Variants in GID4 observed in about 807,000 individuals in gnomAD.
The protein encoded by GID4 is GID complex subunit 4 homolog.
GID4 carries 7 observed loss-of-function variants against 32.4 expected under a neutral mutation model. The ratio of observed to expected loss-of-function variants is 0.22; its 90% confidence interval spans 0.12 to 0.41. The LOEUF (loss-of-function observed/expected upper bound fraction) is 0.41. Among genes scored for constraint, GID4 ranks in the 10% least tolerant of loss-of-function variants. GID4 has a pLI of 1.00. For missense variants in GID4, 309 were observed against 400.0 expected, an observed-to-expected ratio of 0.77 and a Z score of 1.94; for synonymous variants, 166 against 170.0, an observed-to-expected ratio of 0.98 and a Z score of 0.18.
intron 3 of GID4, among the ~76,000 whole-genome samples, chr17:18,055,504 TTA>T (rs759977714): frequency 3.1e-4 from 47 of 152,304 alleles, no homozygotes; most frequent in South Asian, 6.2e-4. Context: ...AAAATTTTTT[TTA>T]GAGTTGGGGT....
intron 2 of GID4, among the ~76,000 whole-genome samples, chr17:18,052,219 G>A (rs1467461826): frequency 6.6e-6 from 1 of 152,112 alleles, no homozygotes; most frequent in East Asian, 1.9e-4. Flanking sequence ...TAGGGGGGTT[G>A]TGGGTTTGGG....
At chr17:18,048,686 G>A (rs559392555) in intron 2 of GID4, among the ~76,000 whole-genome samples, 4 of 149,542 alleles carry the variant, frequency 2.7e-5, no homozygotes, top group East Asian at 4.1e-4. Context: ...TCTGTCACCC[G>A]GGCTGGAGTG....
Position 18,058,874 on chromosome 17 carries a change from T to C in GID4, c.613T>C (p.Phe205Leu). The change falls in exon 4 of 6, where the codon TTT (phenylalanine) becomes CTT (leucine). Residue 205 changes from phenylalanine to leucine, a missense_variant. By Grantham distance (22) the Phe-to-Leu change is conservative. This residue lies in a region of GID4 where 116 missense variants were observed against 214.2 expected (regional missense o/e 0.54). Coordinates refer to ENST00000268719, the MANE Select transcript of GID4 (RefSeq NM_024052.5). ...CTCTCTTTTCTGCTTTCAGGGCAAGTTTCTGGCTTTTTATCAGTATGCAAA... is the reference window on the plus strand; with the variant it reads ...CTCTCTTTTCTGCTTTCAGGGCAAGCTTCTGGCTTTTTATCAGTATGCAAA... The part of the protein sequence containing the change: ...EDVDRKHWGK[F>L]LAFYQYAKSF... 1 of 1,606,732 alleles carries C rather than the reference T, an allele frequency of 6.2e-7. No homozygotes were observed. The highest frequency in any genetic ancestry group is 2.2e-5 in the East Asian group (1 of 44,864).
chr17:18,066,729 A>G lies in GID4; in HGVS notation c.*1486A>G, dbSNP rs2045067567. On this transcript the variant is annotated 3_prime_UTR_variant, in exon 6 of 6. Transcript: ENST00000268719. Reference sequence around the variant, plus strand: ...GAATGTGAAGCCCTTCAGTGAGACGAGACGAGCAATGGGAAACCTTTTCTG... The same window carrying G: ...GAATGTGAAGCCCTTCAGTGAGACGGGACGAGCAATGGGAAACCTTTTCTG... The G allele has an allele frequency of 6.6e-6, 1 of 152,160 alleles. No individual in the cohort carries two copies. Among genetic ancestry groups the G allele is most frequent in the South Asian group, 2.1e-4 (1 of 4,832 alleles). 9.4% of individuals were successfully genotyped at this position (152,160 alleles called of 1,614,324 possible). A position where few individuals can be genotyped will look rare whatever the true frequency, so the allele number is the denominator to read the frequency against.
At chr17:18,053,761 T>A (rs908927586) in intron 2 of GID4, among the ~76,000 whole-genome samples, 1 of 152,202 alleles carries the variant, frequency 6.6e-6, no homozygotes, top group Non-Finnish European at 1.5e-5. Context: ...GGAGCCTCTT[T>A]GGGTCTAACC....
intron 2 of GID4, among the ~76,000 whole-genome samples, chr17:18,053,589 C>T (rs1475181421): frequency 6.6e-6 from 1 of 151,980 alleles, no homozygotes; most frequent in Non-Finnish European, 1.5e-5. Flanking sequence ...TGCACTCCAG[C>T]CTGGGCGACA....
In GID4 at chr17:18,065,363, G is replaced by A. The variant is rs961147155; in HGVS notation, c.*120G>A. 1.0e-4 allele frequency: 76 copies of A among 743,982 alleles called. No individual in the cohort carries two copies. Among genetic ancestry groups the A allele is most frequent in the African/African-American group, 9.8e-4 (57 of 57,932 alleles). The allele number at this position is 743,982 out of a possible 1,614,324, so 46.1% of individuals were successfully genotyped here. ...TTCCTGTTTCTTCACGAGCAGACTC[G>A]CATCACAAAGCATGAATGTTAACCC... On this transcript the variant is annotated 3_prime_UTR_variant, in exon 6 of 6. Coordinates refer to ENST00000268719, the MANE Select transcript of GID4 (RefSeq NM_024052.5).
rs577960934 is a variant in GID4, at chr17:18,053,933, C to T, written c.499-194C>T. On this transcript the variant is annotated intron_variant, in intron 2 of 5. Coordinates refer to ENST00000268719, the MANE Select transcript of GID4 (RefSeq NM_024052.5). ...GGCAAAATCCAGGAAACCCTTCATT[C>T]TCTGGGTGATTTAGATTCAGGTCCA... Among the ~76,000 whole-genome samples, 56 of 152,338 alleles carry T rather than the reference C, an allele frequency of 3.7e-4. No homozygotes were observed. The South Asian group carries it at 6.2e-3, about 17-fold the overall frequency.
At chr17:18,048,272 C>T (rs2044875102) in intron 2 of GID4, among the ~76,000 whole-genome samples, 1 of 150,636 alleles carries the variant, frequency 6.6e-6, no homozygotes, top group South Asian at 2.1e-4. Context: ...CTCACCTTAC[C>T]ACAACCTCTG....
At chr17:18,057,651 G>A (rs1488048816) in intron 3 of GID4, among the ~76,000 whole-genome samples, 2 of 152,042 alleles carry the variant, frequency 1.3e-5, no homozygotes, top group African/African-American at 4.8e-5. Context: ...GGTATACAGT[G>A]TATACTTGTT....
At chr17:18,060,400 CAAAAAAAAAAA>C (rs919974638) in intron 4 of GID4, among the ~76,000 whole-genome samples, 1 of 45,674 alleles carries the variant, frequency 2.2e-5, no homozygotes, top group South Asian at 9.3e-4. Flanking sequence ...TCTGTCTCAC[CAAAAAAAAAAA>C]AAAAAAAAAA....
intron 4 of GID4, among the ~76,000 whole-genome samples, chr17:18,060,843 C>T (rs1472567518): frequency 6.6e-6 from 1 of 152,316 alleles, no homozygotes; most frequent in South Asian, 2.1e-4. Context: ...AAGCAATTCT[C>T]CTGCCTCAGC....
chr17:18,065,041 T>G, intron 5 of GID4, 139 bp from the exon 6 acceptor site: 196 of 669,808 alleles, frequency 2.9e-4, no homozygotes, highest in East Asian at 5.9e-4. Context: ...AGGTTCAACT[T>G]GAGAAATAGA....
At chr17:18,062,691 C>G (rs374209396) in intron 5 of GID4, among the ~76,000 whole-genome samples, 3 of 152,210 alleles carry the variant, frequency 2.0e-5, no homozygotes, top group Non-Finnish European at 2.9e-5. Context: ...GAAATTATAT[C>G]TGCAAGTAAA....
chr17:18,066,794 G>A lies in GID4; in HGVS notation c.*1551G>A, dbSNP rs1195697376. 6.6e-6 allele frequency: 1 copy of A among 152,160 alleles called. No individual in the cohort carries two copies. 9.4% of individuals were successfully genotyped at this position (152,160 alleles called of 1,614,324 possible). ...CTTTAATTTTATTGACATATGTACTGTATGTTACTGAGATTGAATGTTAGG... is the reference window on the plus strand; with the variant it reads ...CTTTAATTTTATTGACATATGTACTATATGTTACTGAGATTGAATGTTAGG... On this transcript the variant is annotated 3_prime_UTR_variant, in exon 6 of 6. Transcript: ENST00000268719.
intron 2 of GID4, among the ~76,000 whole-genome samples, chr17:18,047,769 G>A (rs1007197435): frequency 3.3e-5 from 5 of 152,194 alleles, no homozygotes; most frequent in Non-Finnish European, 5.9e-5. Context: ...GGCCTTAGAT[G>A]TAGAAGAATT....
rs1397429683 is a variant in GID4, at chr17:18,066,585, G to T, written c.*1342G>T. On this transcript the variant is annotated 3_prime_UTR_variant, in exon 6 of 6. Coordinates refer to ENST00000268719, the MANE Select transcript of GID4 (RefSeq NM_024052.5). ...GGCTTTGGGGATTTGGCATTTTTCT[G>T]GTGGTTTACAAGACTTACTCCGAAT... 3.9e-5 allele frequency: 6 copies of T among 152,002 alleles called. No homozygotes were observed. The highest frequency in any genetic ancestry group is 5.9e-5 in the Non-Finnish European group (4 of 67,988). 9.4% of individuals were successfully genotyped at this position (152,002 alleles called of 1,614,324 possible).
At chr17:18,065,156 G>T (rs768900218) in intron 5 of GID4, 24 bp from the exon 6 acceptor site, 1 of 1,600,390 alleles carries the variant, frequency 6.2e-7, no homozygotes, top group Non-Finnish European at 8.6e-7. Flanking sequence ...ACTACCTCCC[G>T]TTTCTGTCTC....
chr17:18,040,016 C>A, intron 1 of GID4, 114 bp downstream of exon 1: 1 of 1,232,206 alleles, frequency 8.1e-7, no homozygotes, highest in Non-Finnish European at 1.0e-6. Flanking sequence ...GCCGGGGCCT[C>A]CTGCACCCGG....
Sources: gnomAD v4.1 joint callset for allele counts (sites outside exome capture counted in the v4.1 genomes callset) on GRCh38, gnomAD v4.1.1 for gene constraint, gnomAD v4.1.1 regional missense constraint, MANE v1.5 for transcripts, NCBI Gene and HGNC (gene_info 2026-07-23, HGNC 2026-07-21) for gene names.